The following TMEM176A variants were observed in gnomAD, a reference collection of about 807,000 sequenced individuals.
TMEM176A encodes hepatocellular carcinoma-associated antigen 112.
A neutral mutation model predicts 27.9 loss-of-function variants in TMEM176A; 20 were observed. The ratio of observed to expected loss-of-function variants is 0.72; its 90% CI spans 0.50 to 1.04. TMEM176A has a LOEUF of 1.04. Ranked by LOEUF, TMEM176A falls within the 50% of genes least tolerant of loss-of-function variation. The pLI is 0.00. For missense variants in TMEM176A, 252 were observed against 289.1 expected (o/e 0.87, Z 0.93); for synonymous variants, 125 against 118.0 (o/e 1.06, Z -0.38).
intron 2 of TMEM176A, 62 bp from the exon 3 acceptor site, chr7:150,802,153 G>T: frequency 1.5e-6 from 2 of 1,340,152 alleles, no homozygotes; most frequent in Non-Finnish European, 2.1e-6. Context: ...GGGTTTTAGC[G>T]GTTAATCCCT....
intron 1 of TMEM176A, chr7:150,801,279 G>T: frequency 2.7e-6 from 1 of 376,624 alleles, no homozygotes; most frequent in African/African-American, 2.1e-5. Context: ...CTGGGAGGAG[G>T]ATGAGGGGGA....
intron 2 of TMEM176A, 111 bp downstream of exon 2, chr7:150,801,835 T>G: frequency 2.8e-6 from 3 of 1,090,112 alleles, no homozygotes; most frequent in African/African-American, 1.6e-5. Context: ...CAGTTATGTC[T>G]TCTTACTTAG....
intron 3 of TMEM176A, chr7:150,802,600 A>G: frequency 1.2e-6 from 1 of 848,632 alleles, no homozygotes; most frequent in Non-Finnish European, 1.6e-6. Context: ...CTAAGGATCT[A>G]AGGACCTGCT....
chr7:150,801,009 G>A, intron 1 of TMEM176A, 181 bp downstream of exon 1: 1 of 985,538 alleles, frequency 1.0e-6, no homozygotes, highest in African/African-American at 1.7e-5. Flanking sequence ...ACCGCAGCGC[G>A]GTCCTTCACG....
chr7:150,801,679 G>A lies in TMEM176A; in HGVS notation c.129G>A (p.Arg43=). Residue 43 remains arginine, a synonymous_variant, in exon 2 of 7, where the codon CGG becomes CGA. Coordinates refer to ENST00000004103, the MANE Select transcript of TMEM176A (RefSeq NM_018487.3). The part of the protein sequence containing the change: ...LLTCCSALRP[R]ATQARGSSRL... ...CCTGCTGCTCTGCGCTGCGGCCCCGGGCCACCCAGGCCAGGGGCAGCAGCC... is the reference window on the plus strand; with the variant it reads ...CCTGCTGCTCTGCGCTGCGGCCCCGAGCCACCCAGGCCAGGGGCAGCAGCC... 1.3e-6 allele frequency: 2 copies of A among 1,598,986 alleles called. No individual in the cohort carries two copies. Among genetic ancestry groups the A allele is most frequent in the Non-Finnish European group, 1.7e-6 (2 of 1,175,202 alleles).
At position 150,803,603 on chromosome 7, in the gene TMEM176A, G is replaced by T; in HGVS notation, c.343-17G>T. 1 of 1,612,682 alleles carries T rather than the reference G, an allele frequency of 6.2e-7. No individual in the cohort carries two copies. The highest frequency in any genetic ancestry group is 8.5e-7 in the Non-Finnish European group (1 of 1,179,300). On this transcript the variant is annotated splice_polypyrimidine_tract_variant and intron_variant, in intron 4 of 6. Coordinates refer to ENST00000004103, the MANE Select transcript of TMEM176A (RefSeq NM_018487.3). Reference sequence around the variant, plus strand: ...GACTGAAACACAAAGATTTCTCTCTGCCTCCTCCCTCCCCAGGCCCTGCTG... The same window carrying T: ...GACTGAAACACAAAGATTTCTCTCTTCCTCCTCCCTCCCCAGGCCCTGCTG...
intron 3 of TMEM176A, chr7:150,802,529 C>T: frequency 1.5e-6 from 1 of 674,142 alleles, no homozygotes; most frequent in Admixed American, 3.1e-5. Context: ...CTCCCATACC[C>T]TTCCCAGTGC....
intron 1 of TMEM176A, 163 bp from the exon 2 acceptor site, chr7:150,801,373 A>G: frequency 1.5e-6 from 1 of 652,858 alleles, no homozygotes; most frequent in Non-Finnish European, 2.5e-6. Context: ...CCCCTCTGCT[A>G]CACACATTCC....
intron 6 of TMEM176A, 163 bp downstream of exon 6, chr7:150,804,635 G>C: frequency 1.2e-6 from 1 of 860,460 alleles, no homozygotes; most frequent in East Asian, 2.5e-5. Flanking sequence ...AGCCCAGAAA[G>C]CCCCTATCCC....
chr7:150,800,796 C>A lies in TMEM176A; in HGVS notation c.-48C>A. ...TTCTCCAGCCAGCGCCCCAGCCCTCCCGCCGCCCGCTCGCAGGTCCCGAGG... is the reference window on the plus strand; with the variant it reads ...TTCTCCAGCCAGCGCCCCAGCCCTCACGCCGCCCGCTCGCAGGTCCCGAGG... On this transcript the variant is annotated 5_prime_UTR_variant, in exon 1 of 7. Transcript: ENST00000004103. The A allele has an allele frequency of 2.4e-6, 1 of 411,534 alleles. No individual in the cohort carries two copies. Among genetic ancestry groups the A allele is most frequent in the Non-Finnish European group, 3.3e-6 (1 of 305,814 alleles). The allele number at this position is 411,534 out of a possible 1,614,324, so 25.5% of individuals were successfully genotyped here. A position where few individuals can be genotyped will look rare whatever the true frequency, so the allele number is the denominator to read the frequency against.
intron 2 of TMEM176A, chr7:150,801,947 G>A: frequency 1.6e-6 from 1 of 624,064 alleles, no homozygotes; most frequent in Non-Finnish European, 2.8e-6. Context: ...CCAATCAGTG[G>A]AGCCCTGAGT....
intron 3 of TMEM176A, 135 bp downstream of exon 3, chr7:150,802,460 T>G (rs1161131329): frequency 2.4e-6 from 2 of 821,396 alleles, no homozygotes; most frequent in African/African-American, 3.4e-5. Flanking sequence ...ATTCCCTGCC[T>G]GTTCAGATGA....
intron 2 of TMEM176A, 111 bp from the exon 3 acceptor site, chr7:150,802,104 C>CTCTTT (rs1488189775): frequency 1.3e-6 from 1 of 768,042 alleles, no homozygotes; most frequent in Non-Finnish European, 2.2e-6. Context: ...CTCTTCTCTT[C>CTCTTT]TTTCTTTCTC....
chr7:150,804,447 G>T lies in TMEM176A; in HGVS notation c.641G>T (p.Cys214Phe). The T allele has an allele frequency of 6.2e-7, 1 of 1,614,128 alleles. No individual in the cohort carries two copies. Among genetic ancestry groups the T allele is most frequent in the Non-Finnish European group, 8.5e-7 (1 of 1,179,984 alleles). Residue 214 changes from cysteine to phenylalanine, a missense_variant, in exon 6 of 7, where the codon TGC (cysteine) becomes TTC (phenylalanine). Cys to Phe is a radical substitution (Grantham distance 205). Transcript: ENST00000004103. ...LASLTPLWLY[C>F]WRMFPTKGKR... ...TCTCTGACCCCTCTGTGGCTGTACT[G>T]CTGGAGAATGTTCCCAACCAAAGGG...
chr7:150,802,179 C>T (rs12668797), intron 2 of TMEM176A, 36 bp from the exon 3 acceptor site: 4 of 1,592,478 alleles, frequency 2.5e-6, no homozygotes, highest in Non-Finnish European at 3.4e-6. Flanking sequence ...GGCAGGTCCA[C>T]CTAGGAGCCG....
chr7:150,804,694 A>G (rs1798885831), intron 6 of TMEM176A, 133 bp from the exon 7 acceptor site: 1 of 1,034,392 alleles, frequency 9.7e-7, no homozygotes, highest in Admixed American at 1.8e-5. Context: ...AGGGAAGTCC[A>G]TATCCATGCT....
rs1798867098 is a variant in TMEM176A, at chr7:150,803,765, C to T, written c.488C>T (p.Ala163Val). 2 of 1,614,052 alleles carry T rather than the reference C, an allele frequency of 1.2e-6. No individual in the cohort carries two copies. The highest frequency in any genetic ancestry group is 1.7e-5 in the Admixed American group (1 of 60,000). The change falls in exon 5 of 7, where the codon GCC becomes GTC. Residue 163 changes from alanine (A) to valine (V), a missense_variant. By Grantham distance (64) the Ala-to-Val change is moderately conservative. Transcript: ENST00000004103. The stretch of plus-strand genomic sequence containing the variant: ...AGCTCGAGTGACTGGAACACTCCAG[C>T]CCCCACTCAGAGTCCAGAAGAAGTC... ...ISSSSDWNTP[A>V]PTQSPEEVRR...
intron 2 of TMEM176A, 97 bp from the exon 3 acceptor site, chr7:150,802,110 TTCTCTCTC>T: frequency 1.3e-6 from 1 of 786,578 alleles, no homozygotes; most frequent in Non-Finnish European, 2.2e-6. Context: ...TCTTCTTTCT[TTCTCTCTC>T]TCTCTACCTC....
At chr7:150,800,860 G>A (rs991518101) in intron 1 of TMEM176A, 32 bp downstream of exon 1, 4 of 966,602 alleles carry the variant, frequency 4.1e-6, no homozygotes, top group South Asian at 4.8e-5. Context: ...GGCGGCCCCC[G>A]GGCCTCCTTC....
Sources: gnomAD v4.1 joint callset for allele counts on GRCh38, gnomAD v4.1.1 for gene constraint, MANE v1.5 for transcripts, NCBI Gene and HGNC (gene_info 2026-07-23, HGNC 2026-07-21) for gene names.